DOCK1: variants seen among roughly 807,000 people sequenced by gnomAD.
DOCK1 encodes dedicator of cytokinesis protein 1.
In DOCK1, 138 loss-of-function variants were observed where a neutral mutation model predicts 262.7. The ratio of observed to expected loss-of-function variants is 0.53; its 90% CI spans 0.46 to 0.61. The LOEUF is 0.61. Ranked by LOEUF, DOCK1 falls within the 20% of genes least tolerant of loss-of-function variation. DOCK1 has a pLI of 0.00. For synonymous variants in DOCK1, 866 were observed against 867.4 expected (o/e 1.00, Z 0.03); for missense variants, 1,908 against 2,370.7 (o/e 0.80, Z 4.05).
intron 10 of DOCK1, among the ~76,000 whole-genome samples, chr10:127,005,059 G>A (rs559584660): frequency 1.3e-5 from 2 of 151,822 alleles, no homozygotes; most frequent in African/African-American, 4.8e-5. Flanking sequence ...ATACTTGGTC[G>A]GGTGCAGTGG....
At chr10:127,319,353 A>G (rs1259985506) in intron 29 of DOCK1, among the ~76,000 whole-genome samples, 2 of 152,260 alleles carry the variant, frequency 1.3e-5, no homozygotes, top group African/African-American at 4.8e-5. Context: ...GAATTGAGCC[A>G]AAATGAATCC....
At chr10:127,124,481 A>G (rs2049817963) in intron 25 of DOCK1, among the ~76,000 whole-genome samples, 1 of 152,220 alleles carries the variant, frequency 6.6e-6, no homozygotes, top group Non-Finnish European at 1.5e-5. Context: ...GGAAGAGACA[A>G]TTAGGGATTG....
rs1473496748 is a variant in DOCK1, at chr10:127,125,516, A to G, written c.2666A>G (p.Lys889Arg). The G allele has an allele frequency of 1.2e-6, 2 of 1,613,864 alleles. No individual in the cohort carries two copies. The highest frequency in any genetic ancestry group is 1.7e-6 in the Non-Finnish European group (2 of 1,179,872). Residue 889 changes from lysine (K) to arginine (R), a missense_variant, in exon 26 of 52, where the codon AAG becomes AGG. Transcript: ENST00000623213. Reference protein sequence around the residue: ...ILLPMMTDQLKYHLERQEDLE... With the variant: ...ILLPMMTDQLRYHLERQEDLE... ...CTTCCCATGATGACCGATCAGCTCAAGTACCATCTGGAGAGACAGGAGGAC... is the reference window on the plus strand; with the variant it reads ...CTTCCCATGATGACCGATCAGCTCAGGTACCATCTGGAGAGACAGGAGGAC...
At chr10:127,033,216 A>G (rs994744351) in intron 18 of DOCK1, among the ~76,000 whole-genome samples, 5 of 151,552 alleles carry the variant, frequency 3.3e-5, no homozygotes, top group African/African-American at 1.2e-4. Flanking sequence ...TTTGGATGTT[A>G]CTTTCTAGCC....
chr10:127,317,283 G>C (rs1057410617), intron 29 of DOCK1, among the ~76,000 whole-genome samples: 1 of 152,180 alleles, frequency 6.6e-6, no homozygotes, highest in African/African-American at 2.4e-5. Context: ...TCTGAGTTTG[G>C]ACTAGGAGAG....
intron 43 of DOCK1, among the ~76,000 whole-genome samples, chr10:127,412,911 A>G (rs2067945215): frequency 2.0e-5 from 3 of 152,156 alleles, no homozygotes; most frequent in Non-Finnish European, 2.9e-5. Context: ...TGTTCACCCT[A>G]TTTGTTGGTG....
At chr10:127,062,817 ACCTT>A (rs1447345518) in intron 23 of DOCK1, among the ~76,000 whole-genome samples, 1 of 152,226 alleles carries the variant, frequency 6.6e-6, no homozygotes, top group African/African-American at 2.4e-5. Flanking sequence ...AGGGTGGTGA[ACCTT>A]CATGCTTCAG....
At chr10:127,289,253 T>C (rs2061266951) in intron 29 of DOCK1, among the ~76,000 whole-genome samples, 1 of 152,182 alleles carries the variant, frequency 6.6e-6, no homozygotes. Flanking sequence ...TCTAACTTTG[T>C]ATTCTGGAGA....
intron 27 of DOCK1, among the ~76,000 whole-genome samples, chr10:127,203,397 G>T (rs577739804): frequency 1.3e-5 from 2 of 152,028 alleles, no homozygotes; most frequent in African/African-American, 2.4e-5. Context: ...CATTTTATGC[G>T]CTTAGTGCAA....
In DOCK1 at chr10:127,100,850, T is replaced by G; in HGVS notation, c.2446-5381T>G. On this transcript the variant is annotated intron_variant, in intron 23 of 51. Transcript: ENST00000623213. This position sits in a 1 kb window ranked among gnomAD's most constrained non-coding sequence, Gnocchi z 5.5. ...GGCCGGAGTCAGGCTGCAGTGGGAG[T>G]GAGGAGGGGTCGTGTGGGAAGTGGA... Among the ~76,000 whole-genome samples the G allele has an allele frequency of 1.3e-5, 2 of 150,772 alleles. No individual in the cohort carries two copies. Among genetic ancestry groups the G allele is most frequent in the African/African-American group, 4.9e-5 (2 of 40,988 alleles).
At chr10:126,925,488 A>C (rs1002588836) in intron 1 of DOCK1, among the ~76,000 whole-genome samples, 1 of 152,180 alleles carries the variant, frequency 6.6e-6, no homozygotes, top group Non-Finnish European at 1.5e-5. Flanking sequence ...GGTTCAAGCA[A>C]TTATCTTGCC....
At chr10:127,261,246 CATGT>C (rs1398166913) in intron 29 of DOCK1, among the ~76,000 whole-genome samples, 2 of 93,302 alleles carry the variant, frequency 2.1e-5, no homozygotes, top group African/African-American at 8.9e-5. Context: ...TGTGTACCTG[CATGT>C]GTGTGCATGT....
At chr10:126,975,824 G>A (rs375628366) in intron 2 of DOCK1, among the ~76,000 whole-genome samples, 90 of 151,666 alleles carry the variant, frequency 5.9e-4, no homozygotes, top group African/African-American at 2.1e-3. Context: ...TGCCATGTTG[G>A]CCAGGCTAGT....
intron 27 of DOCK1, among the ~76,000 whole-genome samples, chr10:127,210,242 C>T (rs953790137): frequency 2.0e-5 from 3 of 152,198 alleles, no homozygotes; most frequent in Non-Finnish European, 2.9e-5. Context: ...CATCAGCATG[C>T]GCTCTGGACT....
chr10:127,412,438 A>T (rs7895621), intron 43 of DOCK1, among the ~76,000 whole-genome samples: 39,555 of 151,854 alleles, frequency 0.26, 5,436 homozygotes, highest in African/African-American at 0.33. Flanking sequence ...TAATTTTTTT[A>T]AAATGTTAAT....
chr10:126,976,389 T>C (rs181571976), intron 2 of DOCK1, among the ~76,000 whole-genome samples: 22 of 152,342 alleles, frequency 1.4e-4, no homozygotes, highest in African/African-American at 4.6e-4. Context: ...GCCAGAGTCC[T>C]GGCAGTTTCT....
chr10:127,294,197 C>T (rs1051371869), intron 29 of DOCK1, among the ~76,000 whole-genome samples: 1 of 152,222 alleles, frequency 6.6e-6, no homozygotes, highest in African/African-American at 2.4e-5. Context: ...CTCAGATATA[C>T]TTATAATGCA....
chr10:127,436,628 T>G (rs2069704854), intron 48 of DOCK1, among the ~76,000 whole-genome samples: 1 of 131,922 alleles, frequency 7.6e-6, no homozygotes, highest in Admixed American at 7.9e-5. Context: ...CTAATCTTTT[T>G]TTTTCAATCT....
intron 1 of DOCK1, among the ~76,000 whole-genome samples, chr10:126,906,845 G>T (rs1481905714): frequency 2.6e-5 from 4 of 152,164 alleles, no homozygotes; most frequent in African/African-American, 9.7e-5. Flanking sequence ...GCTGGACAGT[G>T]GTCACGGGGA....
Sources: allele counts gnomAD v4.1 joint callset (sites outside exome capture counted in the v4.1 genomes callset), GRCh38; gene constraint gnomAD v4.1.1; non-coding constraint Gnocchi (gnomAD v3.1); transcripts MANE v1.5; gene names NCBI Gene and HGNC (gene_info 2026-07-23, HGNC 2026-07-21).